Variants in NRXN1 observed in about 807,000 individuals in gnomAD.
NRXN1 encodes neurexin-1.
Under a neutral mutation model 150.9 loss-of-function variants are expected in NRXN1, and 39 were observed. The observed-to-expected ratio is 0.26, with a 90% CI of 0.20 to 0.34. NRXN1 has a LOEUF of 0.34. NRXN1 is among the 10% of genes least tolerant of loss of function. NRXN1 has a pLI of 1.00. For synonymous variants in NRXN1, 924 were observed against 757.0 expected, an observed-to-expected ratio of 1.22 and a Z score of -3.62; for missense variants, 1,815 against 1,949.9, an observed-to-expected ratio of 0.93 and a Z score of 1.30.
intron 2 of NRXN1, among the ~76,000 whole-genome samples, chr2:51,021,806 C>T (rs1669659356): frequency 6.6e-6 from 1 of 151,878 alleles, no homozygotes; most frequent in Non-Finnish European, 1.5e-5. Context: ...ATGGTATCTT[C>T]AATAAGCTAT....
At chr2:50,622,041 T>G (rs1204014912) in intron 6 of NRXN1, among the ~76,000 whole-genome samples, 4 of 152,060 alleles carry the variant, frequency 2.6e-5, no homozygotes, top group Non-Finnish European at 5.9e-5. Context: ...TTTGTGCATA[T>G]CTGAGAGAAA....
chr2:50,031,141 T>A (rs1689115996), intron 21 of NRXN1, among the ~76,000 whole-genome samples: 1 of 152,038 alleles, frequency 6.6e-6, no homozygotes, highest in Admixed American at 6.6e-5. Flanking sequence ...TTATATAAAT[T>A]TAATATCCAA....
chr2:49,947,077 G>A (rs775208972), intron 21 of NRXN1, among the ~76,000 whole-genome samples: 6 of 152,056 alleles, frequency 3.9e-5, no homozygotes, highest in South Asian at 2.1e-4. Context: ...TAGTCTTGCC[G>A]GTCAGTTGCT....
chr2:50,782,781 T>G (rs1253737937), intron 5 of NRXN1, among the ~76,000 whole-genome samples: 1 of 152,096 alleles, frequency 6.6e-6, no homozygotes, highest in East Asian at 1.9e-4. Flanking sequence ...AACCTAACAG[T>G]AGTGACTCAT....
intron 5 of NRXN1, among the ~76,000 whole-genome samples, chr2:50,724,257 G>A (rs1697038977): frequency 1.3e-5 from 2 of 152,112 alleles, no homozygotes; most frequent in Admixed American, 1.3e-4. Flanking sequence ...TATATAAGGT[G>A]CTTTAATCAT....
intron 2 of NRXN1, among the ~76,000 whole-genome samples, chr2:51,011,689 A>T (rs1164880431): frequency 6.6e-6 from 1 of 152,050 alleles, no homozygotes; most frequent in African/African-American, 2.4e-5. Context: ...GTTGAAAGAA[A>T]ATGGTAAGAA....
At chr2:50,177,500 T>G (rs2060423548) in intron 18 of NRXN1, among the ~76,000 whole-genome samples, 1 of 151,724 alleles carries the variant, frequency 6.6e-6, no homozygotes, top group African/African-American at 2.4e-5. Context: ...TATATTACTT[T>G]TATATAAATA....
At chr2:50,415,161 A>G (rs1291652917) in intron 17 of NRXN1, among the ~76,000 whole-genome samples, 1 of 152,128 alleles carries the variant, frequency 6.6e-6, no homozygotes, top group African/African-American at 2.4e-5. Flanking sequence ...TTTAAAATTG[A>G]AAAAAGAAGA....
intron 12 of NRXN1, among the ~76,000 whole-genome samples, chr2:50,516,974 T>C (rs1415225128): frequency 6.6e-6 from 1 of 152,232 alleles, no homozygotes; most frequent in Admixed American, 6.5e-5. Context: ...TAAATAGTCA[T>C]GTGCTGACCA....
At chr2:50,585,462 T>C (rs1317859766) in intron 8 of NRXN1, among the ~76,000 whole-genome samples, 2 of 152,196 alleles carry the variant, frequency 1.3e-5, no homozygotes, top group African/African-American at 2.4e-5. Context: ...ACAATGTGAA[T>C]ATACTTAACG....
intron 17 of NRXN1, among the ~76,000 whole-genome samples, chr2:50,286,868 C>T (rs752474210): frequency 2.0e-5 from 3 of 152,036 alleles, no homozygotes; most frequent in Non-Finnish European, 4.4e-5. Flanking sequence ...TTATTTTTAG[C>T]TCCTAAGATA....
At chr2:50,561,163 T>C (rs1225876288) in intron 8 of NRXN1, among the ~76,000 whole-genome samples, 1 of 152,214 alleles carries the variant, frequency 6.6e-6, no homozygotes, top group Non-Finnish European at 1.5e-5. Flanking sequence ...TTAAAGTTAC[T>C]GAGACAACAT....
chr2:50,107,541 T>TATATATATA (rs113045952), intron 18 of NRXN1, among the ~76,000 whole-genome samples: 8 of 111,786 alleles, frequency 7.2e-5, no homozygotes, highest in East Asian at 5.7e-4. Context: ...ATATATATAT[T>TATATATATA]TTTTTTTTTT....
chr2:50,007,243 G>A (rs1003320710), intron 21 of NRXN1, among the ~76,000 whole-genome samples: 5 of 152,078 alleles, frequency 3.3e-5, no homozygotes, highest in African/African-American at 1.2e-4. Flanking sequence ...CTCCTAAGGA[G>A]GTTGAGGCAG....
chr2:50,321,873 T>G (rs2076062870), intron 17 of NRXN1, among the ~76,000 whole-genome samples: 1 of 152,084 alleles, frequency 6.6e-6, no homozygotes, highest in South Asian at 2.1e-4. Context: ...ATGCCAGATA[T>G]GACATTAAAT....
At chr2:50,576,903 G>C (rs1308795142) in intron 8 of NRXN1, among the ~76,000 whole-genome samples, 1 of 151,644 alleles carries the variant, frequency 6.6e-6, no homozygotes, top group Non-Finnish European at 1.5e-5. Flanking sequence ...TCTTCTTTGG[G>C]GCTTTAATTA....
At chr2:50,551,682 C>T (rs1387162243) in intron 9 of NRXN1, among the ~76,000 whole-genome samples, 2 of 152,086 alleles carry the variant, frequency 1.3e-5, no homozygotes, top group African/African-American at 2.4e-5. Flanking sequence ...ACAATCAGAG[C>T]ATGGGAGCCC....
chr2:50,634,412 G>C (rs1424658995), intron 5 of NRXN1, among the ~76,000 whole-genome samples: 16 of 152,122 alleles, frequency 1.1e-4, no homozygotes, highest in African/African-American at 3.6e-4. Flanking sequence ...AGTAAATGAA[G>C]ACAATAATAC....
chr2:50,206,904 A>G (rs2062624969), intron 18 of NRXN1, among the ~76,000 whole-genome samples: 2 of 149,610 alleles, frequency 1.3e-5, no homozygotes, highest in Admixed American at 1.3e-4. Context: ...ACACACACAC[A>G]CATACATATA....
Sources: gnomAD v4.1 joint callset for allele counts (sites outside exome capture counted in the v4.1 genomes callset) on GRCh38, gnomAD v4.1.1 for gene constraint, MANE v1.5 for transcripts, NCBI Gene and HGNC (gene_info 2026-07-23, HGNC 2026-07-21) for gene names.